PCDHA7: variants seen among roughly 807,000 people sequenced by gnomAD.
PCDHA7 encodes the protein protocadherin alpha-7.
In PCDHA7, 37 loss-of-function variants were observed where a neutral mutation model predicts 57.2. That is an observed-to-expected ratio of 0.65 (90% CI 0.50 to 0.85). PCDHA7 has a LOEUF of 0.85. Ranked by LOEUF, PCDHA7 falls within the 40% of genes least tolerant of loss-of-function variation. The probability of loss-of-function intolerance (pLI) is 0.00; values close to 1 mark genes in which losing one functional copy is unlikely to be tolerated. For missense variants in PCDHA7, 1,188 were observed against 1,241.8 expected (o/e 0.96, Z 0.65); for synonymous variants, 553 against 558.8 (o/e 0.99, Z 0.15).
intron 1 of PCDHA7, chr5:140,967,680 GGCAGCTCTTCA>G: frequency 6.2e-7 from 1 of 1,614,228 alleles, no homozygotes; most frequent in East Asian, 2.2e-5. Flanking sequence ...GACCGGGAGA[GGCAGCTCTTCA>G]GCATAGATGC....
chr5:140,919,307 T>C (rs567605906), intron 1 of PCDHA7, among the ~76,000 whole-genome samples: 2 of 152,348 alleles, frequency 1.3e-5, no homozygotes, highest in East Asian at 1.9e-4. Context: ...GTACAATATA[T>C]GTTTTCCCAT....
intron 1 of PCDHA7, chr5:140,866,390 T>C (rs2049324113): frequency 6.6e-6 from 1 of 152,134 alleles, no homozygotes; most frequent in Non-Finnish European, 1.5e-5. Flanking sequence ...TTTAAAGACA[T>C]AGATTCCCAT....
chr5:140,883,306 C>G, intron 1 of PCDHA7: 1 of 1,614,050 alleles, frequency 6.2e-7, no homozygotes, highest in Non-Finnish European at 8.5e-7. Flanking sequence ...TAAATGATAA[C>G]GCCCCAGAGG....
chr5:140,869,586 CAT>C, intron 1 of PCDHA7: 6 of 1,614,150 alleles, frequency 3.7e-6, no homozygotes, highest in Non-Finnish European at 5.1e-6. Flanking sequence ...CTGATGCTGA[CAT>C]TGAAGAGAAT....
At chr5:140,855,666 A>G (rs2043560136) in intron 1 of PCDHA7, among the ~76,000 whole-genome samples, 2 of 149,632 alleles carry the variant, frequency 1.3e-5, no homozygotes, top group Admixed American at 6.7e-5. Context: ...AGAAATCACT[A>G]CTCTGAGAGT....
intron 1 of PCDHA7, among the ~76,000 whole-genome samples, chr5:140,922,677 G>C (rs545719033): frequency 6.6e-6 from 1 of 152,306 alleles, no homozygotes; most frequent in Admixed American, 6.5e-5. Flanking sequence ...CAGTAAAAAA[G>C]TGAACAGGCT....
chr5:140,870,366 A>G, intron 1 of PCDHA7: 1 of 1,613,926 alleles, frequency 6.2e-7, no homozygotes, highest in South Asian at 1.1e-5. Flanking sequence ...GGGCCTATGA[A>G]CTGGTGGTGA....
At chr5:140,923,966 C>T (rs1422839186) in intron 1 of PCDHA7, among the ~76,000 whole-genome samples, 3 of 152,188 alleles carry the variant, frequency 2.0e-5, no homozygotes, top group Non-Finnish European at 4.4e-5. Flanking sequence ...AATCTATACC[C>T]ACACATACTA....
intron 1 of PCDHA7, among the ~76,000 whole-genome samples, chr5:140,932,569 C>T (rs58622542): frequency 0.013 from 2,018 of 151,826 alleles, 38 homozygotes; most frequent in African/African-American, 0.046. Flanking sequence ...GTAGACTTTC[C>T]CATAGGGTAA....
chr5:140,869,309 A>T, intron 1 of PCDHA7: 1 of 1,613,682 alleles, frequency 6.2e-7, no homozygotes, highest in Non-Finnish European at 8.5e-7. Context: ...GTGGCGTCCA[A>T]AACACATGGG....
chr5:140,920,002 A>G (rs1260973070), intron 1 of PCDHA7, among the ~76,000 whole-genome samples: 1 of 152,230 alleles, frequency 6.6e-6, no homozygotes, highest in Non-Finnish European at 1.5e-5. Flanking sequence ...CACAGAGGAA[A>G]AGGCCATGCG....
chr5:140,968,597 G>T, intron 1 of PCDHA7: 1 of 1,614,176 alleles, frequency 6.2e-7, no homozygotes, highest in Non-Finnish European at 8.5e-7. Context: ...CATAGCTATG[G>T]ACTCAGACTC....
rs147219331 is a variant in PCDHA7, at chr5:140,927,900, T to C, written c.2356-51049T>C. On this transcript the variant is annotated intron_variant, in intron 1 of 3. Transcript: ENST00000525929. Reference sequence around the variant, plus strand: ...TGGAGGTGACTGACGTGAACGATCATGCCCCCGAACTGGACTTCCTGACTC... The same window carrying C: ...TGGAGGTGACTGACGTGAACGATCACGCCCCCGAACTGGACTTCCTGACTC... 2,142 of 1,614,232 alleles carry C rather than the reference T, an allele frequency of 1.3e-3. 2 individuals are homozygous for C. The highest frequency in any genetic ancestry group is 1.7e-3 in the Non-Finnish European group (2,053 of 1,180,040).
rs782270666 is a variant in PCDHA7, at chr5:140,884,372, A to G, written c.2355+47634A>G. ...GGTGGATGTCAATGTTTACTTGATC[A>G]TTGCCATCTGCGCGGTGTCCAGCCT... On this transcript the variant is annotated intron_variant, in intron 1 of 3. Coordinates refer to ENST00000525929, the MANE Select transcript of PCDHA7 (RefSeq NM_018910.3). 6 of 1,613,806 alleles carry G rather than the reference A, an allele frequency of 3.7e-6. No homozygotes were observed. Among genetic ancestry groups the G allele is most frequent in the Non-Finnish European group, 5.1e-6 (6 of 1,179,874 alleles).
chr5:140,874,444 T>C (rs2054916108), intron 1 of PCDHA7, among the ~76,000 whole-genome samples: 1 of 152,222 alleles, frequency 6.6e-6, no homozygotes, highest in South Asian at 2.1e-4. Context: ...TCCTAACTAC[T>C]AAATGACCTG....
At chr5:140,908,429 G>A (rs575934093) in intron 1 of PCDHA7, among the ~76,000 whole-genome samples, 1 of 152,280 alleles carries the variant, frequency 6.6e-6, no homozygotes, top group African/African-American at 2.4e-5. Flanking sequence ...ATGCTGCTGT[G>A]CGCACCCCAC....
At chr5:140,849,516 G>A in intron 1 of PCDHA7, 2 of 1,597,278 alleles carry the variant, frequency 1.3e-6, no homozygotes, top group East Asian at 2.2e-5. Flanking sequence ...TGTGGAAGTT[G>A]TGGATGTAAA....
chr5:140,955,505 C>T (rs1253768939), intron 1 of PCDHA7, among the ~76,000 whole-genome samples: 2 of 152,152 alleles, frequency 1.3e-5, no homozygotes, highest in African/African-American at 2.4e-5. Flanking sequence ...TGAAGAAAGA[C>T]GTGTTTGCTT....
chr5:140,876,648 T>A, intron 1 of PCDHA7: 4 of 1,614,208 alleles, frequency 2.5e-6, no homozygotes, highest in Non-Finnish European at 3.4e-6. Flanking sequence ...TGACACCTCA[T>A]GTTCCCTTCA....
Sources: gnomAD v4.1 joint callset for allele counts (sites outside exome capture counted in the v4.1 genomes callset) on GRCh38, gnomAD v4.1.1 for gene constraint, MANE v1.5 for transcripts, NCBI Gene and HGNC (gene_info 2026-07-23, HGNC 2026-07-21) for gene names.